Variants in STXBP5L observed in about 807,000 individuals in gnomAD.
STXBP5L encodes syntaxin binding protein 5L.
A neutral mutation model predicts 144.5 loss-of-function variants in STXBP5L; 65 were observed. That is an observed-to-expected ratio of 0.45 (90% CI 0.37 to 0.55). The LOEUF (loss-of-function observed/expected upper bound fraction) is 0.55, where lower values mean the gene tolerates loss of function less well. Among genes scored for constraint, STXBP5L ranks in the 20% least tolerant of loss-of-function variants. The pLI is 0.00. For synonymous variants in STXBP5L, 505 were observed against 469.6 expected (o/e 1.08, Z -0.97); for missense variants, 1,298 against 1,405.5 (o/e 0.92, Z 1.22).
intron 22 of STXBP5L, among the ~76,000 whole-genome samples, chr3:121,399,770 G>A (rs186747892): frequency 1.1e-4 from 16 of 152,194 alleles, no homozygotes; most frequent in African/African-American, 1.7e-4. Flanking sequence ...ACCTTCCAGC[G>A]TGGGCGTTAC....
chr3:121,075,540 GC>G (rs2107674831), intron 5 of STXBP5L, among the ~76,000 whole-genome samples: 1 of 152,264 alleles, frequency 6.6e-6, no homozygotes, highest in East Asian at 1.9e-4. Flanking sequence ...TGAAGCTTTA[GC>G]TTTATGTCTT....
intron 5 of STXBP5L, among the ~76,000 whole-genome samples, chr3:121,058,815 A>T (rs1429689074): frequency 6.7e-6 from 1 of 148,962 alleles, no homozygotes. Flanking sequence ...CCACTTTTTG[A>T]TGGGGTTGTT....
chr3:121,078,985 C>A (rs1226696883), intron 5 of STXBP5L, among the ~76,000 whole-genome samples: 2 of 152,370 alleles, frequency 1.3e-5, no homozygotes, highest in African/African-American at 4.8e-5. Flanking sequence ...CCTTGACCAG[C>A]CCAGAAAGGG....
rs185936642 is a variant in STXBP5L, at chr3:121,348,043, A to C, written c.2176+29503A>C. Among the ~76,000 whole-genome samples, 4 of 152,238 alleles carry C rather than the reference A, an allele frequency of 2.6e-5. No individual in the cohort carries two copies. The East Asian group carries it at 7.7e-4, about 29-fold the overall frequency. On this transcript the variant is annotated intron_variant, in intron 20 of 26. Coordinates refer to ENST00000471454, the MANE Select transcript of STXBP5L (RefSeq NM_001308330.2). ...GCATCCCTGTCTTGTACCAGTTTTC[A>C]CAGGGAATGCTTCCAGTTTTTGCCC...
At chr3:120,908,689 A>G (rs1218612877) in intron 1 of STXBP5L, among the ~76,000 whole-genome samples, 1 of 151,160 alleles carries the variant, frequency 6.6e-6, no homozygotes, top group Non-Finnish European at 1.5e-5. Context: ...CTCGGGCCGC[A>G]GCCGTCGCCG....
intron 3 of STXBP5L, among the ~76,000 whole-genome samples, chr3:120,976,528 T>G (rs906421154): frequency 6.6e-6 from 1 of 152,196 alleles, no homozygotes; most frequent in African/African-American, 2.4e-5. Flanking sequence ...GAAGGGTTTT[T>G]TATGTCTCTA....
At chr3:121,021,470 A>G (rs1006557906) in intron 3 of STXBP5L, among the ~76,000 whole-genome samples, 14 of 152,284 alleles carry the variant, frequency 9.2e-5, no homozygotes, top group South Asian at 2.1e-4. Flanking sequence ...TATACCTTCC[A>G]TTCATTAGCA....
At chr3:121,038,456 A>G (rs956843179) in intron 3 of STXBP5L, among the ~76,000 whole-genome samples, 2 of 151,918 alleles carry the variant, frequency 1.3e-5, no homozygotes, top group African/African-American at 4.8e-5. Flanking sequence ...GTGGTCAGAA[A>G]CTATACTCTT....
intron 19 of STXBP5L, among the ~76,000 whole-genome samples, chr3:121,287,795 C>T (rs1424829675): frequency 6.6e-6 from 1 of 151,800 alleles, no homozygotes; most frequent in Non-Finnish European, 1.5e-5. Context: ...CGCCACTGCA[C>T]TCCAGCCTGA....
chr3:121,248,025 C>T (rs962810500), intron 14 of STXBP5L, among the ~76,000 whole-genome samples: 17 of 152,104 alleles, frequency 1.1e-4, no homozygotes, highest in African/African-American at 2.4e-4. Context: ...GACTGTTGTA[C>T]GATGGTATCC....
intron 7 of STXBP5L, among the ~76,000 whole-genome samples, chr3:121,127,612 G>T (rs2044768950): frequency 6.6e-6 from 1 of 151,134 alleles, no homozygotes; most frequent in South Asian, 2.1e-4. Flanking sequence ...GGGATTTAGG[G>T]CCCACCCTAA....
intron 3 of STXBP5L, among the ~76,000 whole-genome samples, chr3:121,022,109 A>G (rs533281167): frequency 1.3e-5 from 2 of 152,280 alleles, no homozygotes; most frequent in African/African-American, 4.8e-5. Context: ...CCACAGAAAT[A>G]CAAAAGATCG....
At chr3:120,967,549 C>G (rs1939748949) in intron 3 of STXBP5L, among the ~76,000 whole-genome samples, 1 of 152,092 alleles carries the variant, frequency 6.6e-6, no homozygotes, top group African/African-American at 2.4e-5. Flanking sequence ...TTTATTTTTT[C>G]AAAACATCAT....
chr3:121,093,783 C>T (rs965516519), intron 5 of STXBP5L, among the ~76,000 whole-genome samples: 1 of 152,078 alleles, frequency 6.6e-6, no homozygotes, highest in Non-Finnish European at 1.5e-5. Flanking sequence ...AAGTTCTGTT[C>T]TGATTTTAGT....
At chr3:121,043,124 C>T (rs1947274545) in intron 4 of STXBP5L, among the ~76,000 whole-genome samples, 1 of 151,984 alleles carries the variant, frequency 6.6e-6, no homozygotes, top group Non-Finnish European at 1.5e-5. Flanking sequence ...AACCTCCTTG[C>T]CTTGTTCACC....
intron 20 of STXBP5L, among the ~76,000 whole-genome samples, chr3:121,351,276 T>C (rs2045270110): frequency 6.6e-6 from 1 of 152,110 alleles, no homozygotes; most frequent in Non-Finnish European, 1.5e-5. Flanking sequence ...GAACAGCGGA[T>C]ATTGGTGAAC....
chr3:121,401,530 G>A (rs2046873494), intron 22 of STXBP5L, among the ~76,000 whole-genome samples: 2 of 146,072 alleles, frequency 1.4e-5, no homozygotes, highest in South Asian at 4.6e-4. Flanking sequence ...TTAAGAAAAT[G>A]TGGCACATAT....
chr3:121,026,216 C>G (rs942484053), intron 3 of STXBP5L, among the ~76,000 whole-genome samples: 9 of 151,554 alleles, frequency 5.9e-5, no homozygotes, highest in African/African-American at 1.2e-4. Flanking sequence ...TTCCAAGCAC[C>G]ATTAACCTTT....
At chr3:120,939,493 A>G (rs1339662787) in intron 2 of STXBP5L, among the ~76,000 whole-genome samples, 1 of 152,160 alleles carries the variant, frequency 6.6e-6, no homozygotes, top group African/African-American at 2.4e-5. Flanking sequence ...TGAAGAAGTC[A>G]CCATCTGAGG....
Sources: allele counts gnomAD v4.1 joint callset (sites outside exome capture counted in the v4.1 genomes callset), GRCh38; gene constraint gnomAD v4.1.1; transcripts MANE v1.5; gene names NCBI Gene and HGNC (gene_info 2026-07-23, HGNC 2026-07-21).